PCDH7: variants seen among roughly 807,000 people sequenced by gnomAD.
PCDH7 encodes the protein protocadherin 7.
In PCDH7, 17 loss-of-function variants were observed where a neutral mutation model predicts 58.9. The ratio of observed to expected loss-of-function variants is 0.29; its 90% CI spans 0.20 to 0.43. PCDH7 has a LOEUF of 0.43. Ranked by LOEUF, PCDH7 falls within the 20% of genes least tolerant of loss-of-function variation. PCDH7 has a pLI of 1.00. For synonymous variants in PCDH7, 664 were observed against 616.4 expected (o/e 1.08, Z -1.14); for missense variants, 1,274 against 1,441.0 (o/e 0.88, Z 1.88).
chr4:30,774,791 T>C (rs140734785), intron 1 of PCDH7, among the ~76,000 whole-genome samples: 71 of 152,334 alleles, frequency 4.7e-4, no homozygotes, highest in African/African-American at 1.7e-3. Flanking sequence ...CATTCTCCTG[T>C]TGTTTATTAC....
At chr4:30,903,825 G>A (rs1176662644) in intron 1 of PCDH7, among the ~76,000 whole-genome samples, 1 of 151,926 alleles carries the variant, frequency 6.6e-6, no homozygotes, top group Non-Finnish European at 1.5e-5. Flanking sequence ...CAGAGACCTA[G>A]CCTACTTCAT....
At chr4:30,869,695 T>A (rs1316858899) in intron 1 of PCDH7, among the ~76,000 whole-genome samples, 2 of 152,204 alleles carry the variant, frequency 1.3e-5, no homozygotes, top group Non-Finnish European at 2.9e-5. Flanking sequence ...GATGGGCATT[T>A]GGGTTGGTTT....
At chr4:30,824,108 TTTCTTTC>T (rs1728756027) in intron 1 of PCDH7, among the ~76,000 whole-genome samples, 1 of 138,866 alleles carries the variant, frequency 7.2e-6, no homozygotes, top group Non-Finnish European at 1.6e-5. Context: ...TCTTTCTTTC[TTTCTTTC>T]TTTCTTTCTT....
intron 3 of PCDH7, among the ~76,000 whole-genome samples, chr4:31,060,326 A>T (rs1757590274): frequency 6.6e-6 from 1 of 151,750 alleles, no homozygotes; most frequent in Admixed American, 6.6e-5. Flanking sequence ...GGGGTCACTT[A>T]ATTATACTTT....
intron 3 of PCDH7, among the ~76,000 whole-genome samples, chr4:31,067,466 T>C (rs1758179697): frequency 6.6e-6 from 1 of 151,860 alleles, no homozygotes; most frequent in Non-Finnish European, 1.5e-5. Flanking sequence ...AGATTCAGTT[T>C]CTTTCTCTGA....
intron 1 of PCDH7, among the ~76,000 whole-genome samples, chr4:30,837,446 T>A (rs1370058210): frequency 6.6e-6 from 1 of 151,240 alleles, no homozygotes; most frequent in Non-Finnish European, 1.5e-5. Context: ...TACCACTTTA[T>A]CTAGGAGAGT....
At chr4:30,775,679 G>A (rs905367210) in intron 1 of PCDH7, among the ~76,000 whole-genome samples, 63 of 152,054 alleles carry the variant, frequency 4.1e-4, no homozygotes, top group Non-Finnish European at 6.0e-4. Flanking sequence ...AGGCCAAGGC[G>A]GGAGGATCAC....
intron 1 of PCDH7, among the ~76,000 whole-genome samples, chr4:30,864,551 G>A (rs978135151): frequency 2.0e-5 from 3 of 151,646 alleles, no homozygotes; most frequent in Non-Finnish European, 4.4e-5. Flanking sequence ...AAAATGGTAG[G>A]ATATAGATGA....
At chr4:31,046,357 A>T (rs1478141995) in intron 3 of PCDH7, among the ~76,000 whole-genome samples, 1 of 152,002 alleles carries the variant, frequency 6.6e-6, no homozygotes, top group Non-Finnish European at 1.5e-5. Flanking sequence ...CAGTTAGACT[A>T]TGTGATATGG....
chr4:30,920,303 C>T, exon 2 of PCDH7: 1 of 1,367,510 alleles, frequency 7.3e-7, no homozygotes, highest in Non-Finnish European at 9.8e-7. Context: ...GCTTCCACTC[C>T]CAGAGGACAA....
intron 3 of PCDH7, among the ~76,000 whole-genome samples, chr4:31,086,234 C>G (rs909891014): frequency 2.6e-5 from 4 of 152,064 alleles, no homozygotes; most frequent in South Asian, 2.1e-4. Context: ...CCAGACCTGT[C>G]TAGAAAAAGA....
intron 3 of PCDH7, among the ~76,000 whole-genome samples, chr4:31,065,654 T>A (rs1000654881): frequency 1.3e-5 from 2 of 151,966 alleles, no homozygotes; most frequent in African/African-American, 4.8e-5. Flanking sequence ...ACGTACCGAG[T>A]AGTAAGTCTT....
chr4:30,772,229 C>T (rs1160898570), intron 1 of PCDH7, among the ~76,000 whole-genome samples: 1 of 152,180 alleles, frequency 6.6e-6, no homozygotes, highest in Non-Finnish European at 1.5e-5. Flanking sequence ...CAACCTGAAA[C>T]ATGTTTCAAT....
chr4:31,125,033 A>G (rs1346337833), intron 3 of PCDH7, among the ~76,000 whole-genome samples: 1 of 152,192 alleles, frequency 6.6e-6, no homozygotes, highest in East Asian at 1.9e-4. Flanking sequence ...TCTTCTTGCC[A>G]TGTAGGATCT....
chr4:31,091,365 G>A (rs1578771456), intron 3 of PCDH7, among the ~76,000 whole-genome samples: 1 of 151,860 alleles, frequency 6.6e-6, no homozygotes, highest in East Asian at 1.9e-4. Flanking sequence ...TATGCTTATT[G>A]ATTTGATTTG....
intron 1 of PCDH7, among the ~76,000 whole-genome samples, chr4:30,788,625 A>G (rs993057256): frequency 4.6e-5 from 7 of 152,140 alleles, no homozygotes; most frequent in African/African-American, 1.7e-4. Flanking sequence ...AAATAGGTTC[A>G]TATTGCTGGC....
intron 1 of PCDH7, among the ~76,000 whole-genome samples, chr4:30,831,591 C>A (rs993672650): frequency 6.6e-6 from 1 of 151,986 alleles, no homozygotes; most frequent in Non-Finnish European, 1.5e-5. Flanking sequence ...CGGATTAATA[C>A]AAAATAAAAC....
intron 1 of PCDH7, among the ~76,000 whole-genome samples, chr4:30,753,340 A>G (rs1219370270): frequency 2.0e-5 from 3 of 152,240 alleles, no homozygotes; most frequent in Non-Finnish European, 4.4e-5. Flanking sequence ...GCCTCAGTTT[A>G]TATACATGGT....
intron 3 of PCDH7, among the ~76,000 whole-genome samples, chr4:31,122,696 AT>A (rs1717836349): frequency 6.6e-6 from 1 of 151,826 alleles, no homozygotes; most frequent in African/African-American, 2.4e-5. Flanking sequence ...ATTCTCTTTA[AT>A]TTTCTCAATT....
Sources: gnomAD v4.1 joint callset for allele counts (sites outside exome capture counted in the v4.1 genomes callset) on GRCh38, gnomAD v4.1.1 for gene constraint, MANE v1.5 for transcripts, NCBI Gene and HGNC (gene_info 2026-07-23, HGNC 2026-07-21) for gene names.